The following CLSTN2 variants were observed in gnomAD, a reference collection of about 807,000 sequenced individuals.
The protein encoded by CLSTN2 is calsyntenin-2.
Under a neutral mutation model 101.2 loss-of-function variants are expected in CLSTN2, and 48 were observed. The ratio of observed to expected loss-of-function variants is 0.47; its 90% CI spans 0.38 to 0.60. The LOEUF is 0.60. Ranked by LOEUF, CLSTN2 falls within the 20% of genes least tolerant of loss-of-function variation. The pLI is 0.00. For synonymous variants in CLSTN2, 481 were observed against 463.6 expected, an observed-to-expected ratio of 1.04 and a Z score of -0.48; for missense variants, 1,160 against 1,238.2, an observed-to-expected ratio of 0.94 and a Z score of 0.95.
chr3:140,190,780 C>T (rs78578617), intron 2 of CLSTN2, among the ~76,000 whole-genome samples: 3,741 of 152,108 alleles, frequency 0.025, 146 homozygotes, highest in African/African-American at 0.084. Context: ...TTATGTTATG[C>T]AACCTTGCTG....
chr3:140,444,274 A>G (rs1576570912), intron 5 of CLSTN2, among the ~76,000 whole-genome samples: 1 of 152,148 alleles, frequency 6.6e-6, no homozygotes, highest in East Asian at 1.9e-4. Flanking sequence ...TACTAAAAAT[A>G]CAAAAATTGG....
intron 2 of CLSTN2, among the ~76,000 whole-genome samples, chr3:140,334,513 C>T (rs1559841798): frequency 6.6e-6 from 1 of 152,170 alleles, no homozygotes; most frequent in Non-Finnish European, 1.5e-5. Flanking sequence ...TGTGCCAGGC[C>T]CTGGACTGGA....
chr3:140,209,012 C>A (rs2010820452), intron 2 of CLSTN2, among the ~76,000 whole-genome samples: 2 of 152,164 alleles, frequency 1.3e-5, no homozygotes, highest in South Asian at 2.1e-4. Context: ...TGTGTAGTAA[C>A]CCCAAGTGTC....
chr3:140,283,859 A>G (rs186963107), intron 2 of CLSTN2, among the ~76,000 whole-genome samples: 2 of 152,272 alleles, frequency 1.3e-5, no homozygotes, highest in African/African-American at 2.4e-5. Context: ...GGGGCCAGGA[A>G]CTGGGTGTGT....
rs781284308 is a variant in CLSTN2 at position 140,564,053 on chromosome 3, C to T, written c.2575C>T (p.His859Tyr). 6.2e-7 allele frequency: 1 copy of T among 1,614,124 alleles called. No individual in the cohort carries two copies. Among genetic ancestry groups the T allele is most frequent in the Admixed American group, 1.7e-5 (1 of 60,020 alleles). ...AMGVYRVRIA[H>Y]QHFIQETEAA... ...GGGTGTGTACCGGGTCCGGATCGCC[C>T]ACCAGCACTTCATCCAGGAGACTGA... Residue 859 changes from histidine to tyrosine, a missense_variant, in exon 16 of 17, where the codon CAC (histidine) becomes TAC (tyrosine). By Grantham distance (83) the His-to-Tyr change is moderately conservative. Coordinates refer to ENST00000458420, the MANE Select transcript of CLSTN2 (RefSeq NM_022131.3).
intron 2 of CLSTN2, among the ~76,000 whole-genome samples, chr3:140,250,235 T>A (rs992042533): frequency 6.6e-6 from 1 of 152,176 alleles, no homozygotes; most frequent in Admixed American, 6.5e-5. Flanking sequence ...TCAGCACAAG[T>A]TCACTGGTAC....
chr3:140,344,428 A>G (rs2087522341), intron 2 of CLSTN2, among the ~76,000 whole-genome samples: 1 of 152,202 alleles, frequency 6.6e-6, no homozygotes. Flanking sequence ...GTTGCATGCC[A>G]GAGACAACCC....
At position 140,330,311 on chromosome 3, in the gene CLSTN2, A is replaced by G. The variant is rs150176593; in HGVS notation, c.233-73318A>G. Among the ~76,000 whole-genome samples the G allele has an allele frequency of 3.9e-3, 592 of 152,180 alleles. 5 individuals are homozygous for G. Among genetic ancestry groups the G allele is most frequent in the Middle Eastern group, 0.017 (5 of 294 alleles). On this transcript the variant is annotated intron_variant, in intron 2 of 16. Transcript: ENST00000458420. Reference sequence around the variant, plus strand: ...AGCATCTCCACATCTTTTTGAGTTCACTCAGCTCACATTCAGGTGCTGCCC... The same window carrying G: ...AGCATCTCCACATCTTTTTGAGTTCGCTCAGCTCACATTCAGGTGCTGCCC...
chr3:140,556,901 G>A (rs1935808553), intron 11 of CLSTN2: 4 of 481,870 alleles, frequency 8.3e-6, no homozygotes, highest in South Asian at 8.1e-5. Context: ...CTTATCTAAT[G>A]CCTAGAAGGT....
intron 2 of CLSTN2, among the ~76,000 whole-genome samples, chr3:140,243,621 A>G (rs1451966685): frequency 6.6e-6 from 1 of 151,996 alleles, no homozygotes; most frequent in Non-Finnish European, 1.5e-5. Flanking sequence ...GCACACAGTT[A>G]AAGATCTCCA....
At chr3:140,184,792 A>G (rs1409987717) in intron 2 of CLSTN2, among the ~76,000 whole-genome samples, 1 of 152,160 alleles carries the variant, frequency 6.6e-6, no homozygotes, top group Non-Finnish European at 1.5e-5. Context: ...AAATGTATCT[A>G]ATCATGGCAT....
At position 140,051,535 on chromosome 3, in the gene CLSTN2, C is replaced by T. The variant is rs80093117; in HGVS notation, c.109+116052C>T. Among the ~76,000 whole-genome samples the T allele has an allele frequency of 0.01, 1,563 of 152,210 alleles. 73 individuals carry two copies. In the East Asian group the frequency reaches 0.15, roughly 14 times the overall value. On this transcript the variant is annotated intron_variant, in intron 1 of 16. Transcript: ENST00000458420. ...AAAGGATAGGGAGGAGCAATAGTGC[C>T]GTCTGCTGGCTGCAAGGGGCCAGGA...
intron 2 of CLSTN2, among the ~76,000 whole-genome samples, chr3:140,251,579 C>CTTCCA (rs1559819480): frequency 3.8e-5 from 2 of 53,022 alleles, no homozygotes; most frequent in African/African-American, 7.7e-5. Flanking sequence ...CAACTCTTAG[C>CTTCCA]TTCCGTTCCT....
rs1202660190 is a variant in CLSTN2 at position 140,035,211 on chromosome 3, G to C, written c.109+99728G>C. Among the ~76,000 whole-genome samples the C allele has an allele frequency of 2.6e-5, 4 of 152,204 alleles. No individual in the cohort carries two copies. The East Asian group carries it at 7.7e-4, about 29-fold the overall frequency. On this transcript the variant is annotated intron_variant, in intron 1 of 16. Coordinates refer to ENST00000458420, the MANE Select transcript of CLSTN2 (RefSeq NM_022131.3). Reference sequence around the variant, plus strand: ...GACCATTAGCCAAGAAACTTTAATGGACTCTCAGCTGTAGGAATTCTGATC... The same window carrying C: ...GACCATTAGCCAAGAAACTTTAATGCACTCTCAGCTGTAGGAATTCTGATC...
chr3:140,507,572 C>T (rs773209448), intron 8 of CLSTN2: 1 of 152,198 alleles, frequency 6.6e-6, no homozygotes, highest in Non-Finnish European at 1.5e-5. Context: ...GCTGCCTTTG[C>T]TTGTTCTGTC....
intron 1 of CLSTN2, among the ~76,000 whole-genome samples, chr3:140,030,846 G>C (rs946092060): frequency 1.1e-4 from 17 of 152,322 alleles, no homozygotes; most frequent in African/African-American, 4.1e-4. Flanking sequence ...CTTCCGCCTT[G>C]AATTCCCTTT....
At chr3:140,182,571 T>C (rs2010426381) in intron 2 of CLSTN2, among the ~76,000 whole-genome samples, 2 of 152,190 alleles carry the variant, frequency 1.3e-5, no homozygotes, top group South Asian at 4.1e-4. Context: ...GCTGGTTTGT[T>C]TGGGGGCCAT....
intron 2 of CLSTN2, among the ~76,000 whole-genome samples, chr3:140,276,993 C>T (rs1397311707): frequency 6.6e-6 from 1 of 152,118 alleles, no homozygotes; most frequent in Non-Finnish European, 1.5e-5. Context: ...CAGACGTGGG[C>T]TGAGGCCAGC....
intron 8 of CLSTN2, among the ~76,000 whole-genome samples, chr3:140,472,470 T>A (rs1467718604): frequency 1.3e-5 from 2 of 152,228 alleles, no homozygotes; most frequent in South Asian, 4.1e-4. Context: ...AGGAGTTAAT[T>A]GGAGAATGGT....
Sources: allele counts gnomAD v4.1 joint callset (sites outside exome capture counted in the v4.1 genomes callset), GRCh38; gene constraint gnomAD v4.1.1; transcripts MANE v1.5; gene names NCBI Gene and HGNC (gene_info 2026-07-23, HGNC 2026-07-21).